CAPG: variants seen among roughly 807,000 people sequenced by gnomAD.
CAPG encodes macrophage-capping protein.
In CAPG, 32 loss-of-function variants were observed where a neutral mutation model predicts 44.6. The ratio of observed to expected loss-of-function variants is 0.72; its 90% CI spans 0.54 to 0.96. The LOEUF (loss-of-function observed/expected upper bound fraction) is 0.96, where lower values mean the gene tolerates loss of function less well. Among genes scored for constraint, CAPG ranks in the 50% least tolerant of loss-of-function variants. The pLI is 0.00. For synonymous variants in CAPG, 175 were observed against 179.6 expected, an observed-to-expected ratio of 0.97 and a Z score of 0.20; for missense variants, 412 against 438.3, an observed-to-expected ratio of 0.94 and a Z score of 0.54.
At chr2:85,399,695 G>A (rs1686786693) in intron 5 of CAPG, among the ~76,000 whole-genome samples, 1 of 151,070 alleles carries the variant, frequency 6.6e-6, no homozygotes, top group Non-Finnish European at 1.5e-5. Context: ...CCACTATGTT[G>A]CCCAGGCTGG....
At chr2:85,410,919 G>C (rs1687390980), upstream of CAPG, among the ~76,000 whole-genome samples, 2 of 149,596 alleles carry the variant, frequency 1.3e-5, 1 homozygote, top group South Asian at 4.2e-4. Context: ...GGAGTGCCGT[G>C]GCATTATCAC....
intron 1 of CAPG, among the ~76,000 whole-genome samples, chr2:85,415,763 G>C (rs552380697): frequency 6.6e-6 from 1 of 152,336 alleles, no homozygotes; most frequent in African/African-American, 2.4e-5. Context: ...CCTAGCCACA[G>C]ATTCCTCATC....
intron 5 of CAPG, among the ~76,000 whole-genome samples, chr2:85,399,645 A>G (rs1034798742): frequency 6.6e-6 from 1 of 151,750 alleles, no homozygotes; most frequent in African/African-American, 2.4e-5. Flanking sequence ...ACTTGCCACC[A>G]TGCCTGGCTA....
chr2:85,398,880 C>T (rs1573176156), intron 6 of CAPG, 98 bp from the exon 7 acceptor site: 9 of 984,860 alleles, frequency 9.1e-6, no homozygotes, highest in East Asian at 7.9e-5. Context: ...GGGCAAACTG[C>T]GCCCTGCACT....
chr2:85,404,736 A>T (rs1687067463), intron 1 of CAPG, among the ~76,000 whole-genome samples: 1 of 152,062 alleles, frequency 6.6e-6, no homozygotes, highest in Non-Finnish European at 1.5e-5. Flanking sequence ...TGACAGAGCA[A>T]GACTCTGTCT....
chr2:85,413,871 CGG>C (rs1323768084), upstream of CAPG: 1 of 152,288 alleles, frequency 6.6e-6, no homozygotes, highest in African/African-American at 2.4e-5. Context: ...GAGAGGACCC[CGG>C]CTGTGGGAGA....
Position 85,395,062 on chromosome 2 carries a change from C to G in CAPG, c.982-104G>C. ...GAGCCAGGGAGGAGGGTGTGGGCGC[C>G]TGGCCTGAATCCATGTGCAGTCCAG... On this transcript the variant is annotated intron_variant, in intron 9 of 9. Transcript: ENST00000263867. This position sits in a 1 kb window ranked among gnomAD's most constrained non-coding sequence, Gnocchi z 4.3. 1.3e-6 allele frequency: 1 copy of G among 785,004 alleles called. No individual in the cohort carries two copies. Among genetic ancestry groups the G allele is most frequent in the Admixed American group, 2.1e-5 (1 of 46,776 alleles). 48.6% of individuals were successfully genotyped at this position (785,004 alleles called of 1,614,324 possible).
Position 85,395,565 on chromosome 2 carries a change from C to A in CAPG, c.954G>T (p.Ser318=). ...AALQVAEGFI[S]RMQYAPNTQV... ...GAGTGTTCGGGGCGTACTGCATGCG[C>A]GAGATGAAGCCCTCGGCCACCTGCA... The change falls in exon 9 of 10, where the codon TCG becomes TCT. Residue 318 remains serine, a synonymous_variant. Transcript: ENST00000263867. The surrounding 1 kb of genome is among the most constrained non-coding windows in gnomAD (Gnocchi z 4.3). 2 of 1,613,840 alleles carry A rather than the reference C, an allele frequency of 1.2e-6. No individual in the cohort carries two copies. The highest frequency in any genetic ancestry group is 1.7e-6 in the Non-Finnish European group (2 of 1,179,890).
chr2:85,395,457 G>T lies in CAPG; in HGVS notation c.981+81C>A. ...TCCTGACAGTGCCCAAGGCTCTCCT[G>T]CCCTTCCTGGCCAATTTGAGGGGTC... is the stretch of plus-strand genomic sequence containing the variant. On this transcript the variant is annotated intron_variant, in intron 9 of 9. Coordinates refer to ENST00000263867, the MANE Select transcript of CAPG (RefSeq NM_001747.4). This position sits in a 1 kb window ranked among gnomAD's most constrained non-coding sequence, Gnocchi z 4.3. The T allele has an allele frequency of 1.7e-6, 2 of 1,147,038 alleles. No individual in the cohort carries two copies. Among genetic ancestry groups the T allele is most frequent in the Non-Finnish European group, 2.6e-6 (2 of 777,298 alleles). The allele number at this position is 1,147,038 out of a possible 1,614,324, so 71.1% of individuals were successfully genotyped here.
At chr2:85,419,400 G>GCT (rs1461663992), upstream of CAPG, among the ~76,000 whole-genome samples, 15 of 152,200 alleles carry the variant, frequency 9.9e-5, no homozygotes, top group Admixed American at 9.8e-4. Flanking sequence ...CTACAGAAGG[G>GCT]ACTTACCCAG....
intron 5 of CAPG, 26 bp downstream of exon 5, chr2:85,401,139 G>A (rs373837301): frequency 2.1e-4 from 333 of 1,608,970 alleles, no homozygotes; most frequent in Non-Finnish European, 2.6e-4. Flanking sequence ...CCAATACGGA[G>A]TGCTCAGTCT....
intron 8 of CAPG, among the ~76,000 whole-genome samples, chr2:85,396,544 G>A (rs1327675254): frequency 1.3e-5 from 2 of 152,136 alleles, no homozygotes; most frequent in African/African-American, 4.8e-5. Flanking sequence ...CAACTGACCA[G>A]CTGCCCCCCT....
In CAPG at chr2:85,401,320, C is replaced by T. The variant is rs566095029; in HGVS notation, c.361G>A (p.Val121Met). ...GAGGTCTTGTGAAATGCTGACTCCA[C>T]ACCACCTTCCTGCAGCCCAGACGGC... ...PRGLKYQEGG[V>M]ESAFHKTSTG... The change falls in exon 5 of 10, where the codon GTG (valine) becomes ATG (methionine). Residue 121 changes from valine (V) to methionine (M), a missense_variant. Transcript: ENST00000263867. 60 of 1,613,916 alleles carry T rather than the reference C, an allele frequency of 3.7e-5. 1 individual carries two copies. The highest frequency in any genetic ancestry group is 2.1e-4 in the South Asian group (19 of 91,076).
chr2:85,414,469 G>A (rs1293913246), upstream of CAPG, among the ~76,000 whole-genome samples: 2 of 148,166 alleles, frequency 1.3e-5, no homozygotes, highest in Admixed American at 1.4e-4. Flanking sequence ...TCACTCTGTC[G>A]CGGCACCTGG....
downstream of CAPG, chr2:85,394,607 C>A: frequency 2.0e-6 from 1 of 494,796 alleles, no homozygotes; most frequent in South Asian, 2.1e-5. Context: ...TCCCTGCAAG[C>A]CTGGCTGGGA....
upstream of CAPG, chr2:85,419,294 G>A (rs62162755): frequency 0.25 from 38,644 of 152,246 alleles, 5,364 homozygotes; most frequent in Non-Finnish European, 0.32. Flanking sequence ...CTCGCATTCA[G>A]CATCCTCTCT....
chr2:85,401,062 T>A (rs570953830), intron 5 of CAPG, 103 bp downstream of exon 5: 1 of 1,145,386 alleles, frequency 8.7e-7, no homozygotes, highest in East Asian at 2.4e-5. Flanking sequence ...TGGAATGGGT[T>A]TACGGCTTCT....
At chr2:85,400,920 G>A (rs1439500639) in intron 5 of CAPG, among the ~76,000 whole-genome samples, 1 of 152,238 alleles carries the variant, frequency 6.6e-6, no homozygotes. Context: ...CTGGCAGGCA[G>A]TGAACTCAGA....
At chr2:85,399,784 C>T (rs1482843656) in intron 5 of CAPG, among the ~76,000 whole-genome samples, 1 of 149,308 alleles carries the variant, frequency 6.7e-6, no homozygotes, top group Non-Finnish European at 1.5e-5. Flanking sequence ...TCTTGTTGCC[C>T]AGGCTGGAGT....
Sources: allele counts gnomAD v4.1 joint callset (sites outside exome capture counted in the v4.1 genomes callset), GRCh38; gene constraint gnomAD v4.1.1; non-coding constraint Gnocchi (gnomAD v3.1); transcripts MANE v1.5; gene names NCBI Gene and HGNC (gene_info 2026-07-23, HGNC 2026-07-21).